Variants in MAPK14 observed in about 807,000 individuals in gnomAD.
MAPK14 encodes the protein CSAID-binding protein.
A neutral mutation model predicts 49.6 loss-of-function variants in MAPK14; 16 were observed. The observed-to-expected ratio is 0.32, with a 90% CI of 0.22 to 0.49. The LOEUF (loss-of-function observed/expected upper bound fraction) is 0.49. Among genes scored for constraint, MAPK14 ranks in the 20% least tolerant of loss-of-function variants. The pLI is 0.99. For synonymous variants in MAPK14, 142 were observed against 158.0 expected (o/e 0.90, Z 0.76); for missense variants, 200 against 441.2 (o/e 0.45, Z 4.90).
intron 9 of MAPK14, chr6:36,100,179 G>T (rs1765585150): frequency 1.9e-6 from 3 of 1,586,986 alleles, no homozygotes; most frequent in African/African-American, 1.3e-5. Flanking sequence ...CCTTGACTAG[G>T]CATCTAAGAT....
intron 2 of MAPK14, among the ~76,000 whole-genome samples, chr6:36,056,937 A>C (rs1763613086): frequency 6.6e-6 from 1 of 152,192 alleles, no homozygotes; most frequent in East Asian, 1.9e-4. Flanking sequence ...AAGGGAAACG[A>C]TTATGGTTTA....
At chr6:36,038,721 TTAGGGTATTC>T (rs1762843899) in intron 1 of MAPK14, among the ~76,000 whole-genome samples, 1 of 152,066 alleles carries the variant, frequency 6.6e-6, no homozygotes, top group Non-Finnish European at 1.5e-5. Context: ...CCCTAGAAAT[TTAGGGTATTC>T]CAGTCCAGCT....
At chr6:36,083,719 C>G (rs1581812189) in intron 8 of MAPK14, among the ~76,000 whole-genome samples, 1 of 152,196 alleles carries the variant, frequency 6.6e-6, no homozygotes, top group East Asian at 1.9e-4. Context: ...GGATGGAGCC[C>G]CTGGTGGGAG....
Position 36,111,157 on chromosome 6 carries a change from T to A in MAPK14, c.*2710T>A, listed in dbSNP as rs760797676. 4.0e-5 allele frequency: 6 copies of A among 151,346 alleles called. No homozygotes were observed. Among genetic ancestry groups the A allele is most frequent in the Non-Finnish European group, 5.9e-5 (4 of 67,900 alleles). 9.4% of individuals were successfully genotyped at this position (151,346 alleles called of 1,614,324 possible). On this transcript the variant is annotated 3_prime_UTR_variant, in exon 12 of 12. Transcript: ENST00000229794. ...TGGTTGGGAAAGAAAAAAAAAGAAGTAGTAGATTTTGTAGCATGTGATGTA... is the reference window on the plus strand; with the variant it reads ...TGGTTGGGAAAGAAAAAAAAAGAAGAAGTAGATTTTGTAGCATGTGATGTA...
In MAPK14 at chr6:36,052,719, C is replaced by G. The variant is rs774943543; in HGVS notation, c.137C>G (p.Thr46Arg). Residue 46 changes from threonine to arginine, a missense_variant, in exon 2 of 12, where the codon ACG (threonine) becomes AGG (arginine). Thr to Arg is a moderately conservative substitution (Grantham distance 71). Around this residue, in one of 2 missense-constraint regions of MAPK14, gnomAD observed 170 missense variants for 407.0 expected, o/e 0.42. Transcript: ENST00000229794. ...CTTAGTGCTGCTTTTGACACAAAAA[C>G]GGGGTTACGTGTGGCAGTGAAGAAG... is the stretch of plus-strand genomic sequence containing the variant. Reference protein sequence around the residue: ...GSVCAAFDTKTGLRVAVKKLS... With the variant: ...GSVCAAFDTKRGLRVAVKKLS... 1 of 1,606,532 alleles carries G rather than the reference C, an allele frequency of 6.2e-7. No homozygotes were observed. The highest frequency in any genetic ancestry group is 8.5e-7 in the Non-Finnish European group (1 of 1,176,842).
chr6:36,071,098 C>A (rs1434661773), intron 3 of MAPK14, among the ~76,000 whole-genome samples: 1 of 151,932 alleles, frequency 6.6e-6, no homozygotes. Context: ...TTTGGGAGGC[C>A]ATGGTGGGTG....
intron 5 of MAPK14, 21 bp downstream of exon 5, chr6:36,073,741 T>G: frequency 6.2e-7 from 1 of 1,609,314 alleles, no homozygotes; most frequent in South Asian, 1.1e-5. Flanking sequence ...TGACTTTGAT[T>G]ACATTATTTT....
At chr6:36,089,251 C>T (rs550158659) in intron 8 of MAPK14, among the ~76,000 whole-genome samples, 134 of 152,244 alleles carry the variant, frequency 8.8e-4, no homozygotes, top group African/African-American at 3.2e-3. Context: ...GTGCCCTTTG[C>T]GGGGACACTG....
intron 8 of MAPK14, among the ~76,000 whole-genome samples, chr6:36,083,439 A>G (rs1764846187): frequency 6.6e-6 from 1 of 152,188 alleles, no homozygotes; most frequent in South Asian, 2.1e-4. Flanking sequence ...TGGAGACTAC[A>G]TAAGACTACT....
chr6:36,058,299 C>A (rs1763664388), intron 2 of MAPK14, among the ~76,000 whole-genome samples: 1 of 152,114 alleles, frequency 6.6e-6, no homozygotes, highest in Admixed American at 6.6e-5. Flanking sequence ...TTAAAAAACA[C>A]AATATTACGG....
chr6:36,032,052 G>A (rs1187300072), intron 1 of MAPK14, among the ~76,000 whole-genome samples: 1 of 152,000 alleles, frequency 6.6e-6, no homozygotes, highest in South Asian at 2.1e-4. Context: ...GAAGTGCTGG[G>A]ATTATAGGGA....
intron 1 of MAPK14, among the ~76,000 whole-genome samples, chr6:36,042,094 C>T (rs550777425): frequency 9.7e-4 from 148 of 152,328 alleles, no homozygotes; most frequent in Non-Finnish European, 1.6e-3. Flanking sequence ...ACAGGAGGAA[C>T]ATCTCAGGTA....
chr6:36,033,052 G>C (rs1762603054), intron 1 of MAPK14, among the ~76,000 whole-genome samples: 1 of 151,848 alleles, frequency 6.6e-6, no homozygotes, highest in African/African-American at 2.4e-5. Flanking sequence ...AAGTATACAA[G>C]GGTGACTTTC....
intron 9 of MAPK14, chr6:36,097,833 A>G (rs1172008955): frequency 6.6e-6 from 1 of 152,226 alleles, no homozygotes; most frequent in East Asian, 1.9e-4. Context: ...ATACATTTCA[A>G]CAGCTCTACT....
intron 9 of MAPK14, among the ~76,000 whole-genome samples, chr6:36,099,741 G>T (rs2127470856): frequency 6.6e-6 from 1 of 152,294 alleles, no homozygotes; most frequent in South Asian, 2.1e-4. Context: ...GAGAACCTGT[G>T]CCGCAAAAGT....
At chr6:36,048,817 G>T (rs1445505097) in intron 1 of MAPK14, among the ~76,000 whole-genome samples, 1 of 152,222 alleles carries the variant, frequency 6.6e-6, no homozygotes, top group African/African-American at 2.4e-5. Context: ...AGGGCTCAGA[G>T]AAGAGATTTC....
intron 8 of MAPK14, among the ~76,000 whole-genome samples, chr6:36,079,249 T>C (rs377253733): frequency 6.6e-6 from 1 of 152,194 alleles, no homozygotes; most frequent in East Asian, 1.9e-4. Context: ...CACAATTTCT[T>C]TTCCAATATT....
At chr6:36,112,610 TTCA>T (rs1765994297), downstream of MAPK14, among the ~76,000 whole-genome samples, 1 of 152,128 alleles carries the variant, frequency 6.6e-6, no homozygotes, top group Admixed American at 6.5e-5. Context: ...ATTTGAGGGC[TTCA>T]TCAGTTTTCA....
At position 36,092,569 on chromosome 6, in the gene MAPK14, A is replaced by AT. The variant is rs1765280111; in HGVS notation, c.683-3414dup. On this transcript the variant is annotated intron_variant, in intron 8 of 11. Transcript: ENST00000229794. ...TATGTTGTTTTTTCAAGTTTGACCC[A>AT]TTTTCCTTCTGAAATTAACTCCTCT... The AT allele has an allele frequency of 2.1e-5, 10 of 475,072 alleles. 1 individual carries two copies. The highest frequency in any genetic ancestry group is 1.7e-4 in the South Asian group (10 of 59,064). The allele number at this position is 475,072 out of a possible 1,614,324, so 29.4% of individuals were successfully genotyped here.
Sources: allele counts gnomAD v4.1 joint callset (sites outside exome capture counted in the v4.1 genomes callset), GRCh38; gene constraint gnomAD v4.1.1; regional missense constraint gnomAD v4.1.1; transcripts MANE v1.5; gene names NCBI Gene and HGNC (gene_info 2026-07-23, HGNC 2026-07-21).